Variants in RGS6 observed in about 807,000 individuals in gnomAD.
The protein encoded by RGS6 is regulator of G protein signaling 6, also known as regulator of G-protein signaling 6.
RGS6 carries 30 observed loss-of-function variants against 78.5 expected under a neutral mutation model. The ratio of observed to expected loss-of-function variants is 0.38; its 90% CI spans 0.29 to 0.52. The LOEUF (loss-of-function observed/expected upper bound fraction) is 0.52. RGS6 is among the 20% of genes least tolerant of loss of function. The pLI is 0.85. For missense variants in RGS6, 495 were observed against 609.7 expected, an observed-to-expected ratio of 0.81 and a Z score of 1.98; for synonymous variants, 206 against 206.0, an observed-to-expected ratio of 1.00 and a Z score of 0.00.
At chr14:72,629,732 G>A in the RGS6 span, 6 of 1,535,888 alleles carry the variant, frequency 3.9e-6, no homozygotes, top group Non-Finnish European at 5.2e-6. Flanking sequence ...GGCAGGTTGG[G>A]TGACCTGGAG....
intron 13 of RGS6, among the ~76,000 whole-genome samples, chr14:72,506,734 T>G (rs183299668): frequency 6.6e-6 from 1 of 152,280 alleles, no homozygotes; most frequent in East Asian, 1.9e-4. Flanking sequence ...ATTCATGTCT[T>G]TCCCAGAACC....
At chr14:71,938,031 T>C (rs557015511) in intron 1 of RGS6, among the ~76,000 whole-genome samples, 6 of 152,162 alleles carry the variant, frequency 3.9e-5, no homozygotes, top group Non-Finnish European at 8.8e-5. Context: ...CCATGGCCAC[T>C]TTGTTCATGG....
intron 2 of RGS6, among the ~76,000 whole-genome samples, chr14:72,144,854 A>T (rs1172683014): frequency 6.6e-6 from 1 of 152,072 alleles, no homozygotes; most frequent in East Asian, 1.9e-4. Context: ...AAGAAAGAGT[A>T]ATTCACACAG....
intron 3 of RGS6, among the ~76,000 whole-genome samples, chr14:72,392,837 G>A (rs1169311614): frequency 6.6e-6 from 1 of 152,162 alleles, no homozygotes; most frequent in Admixed American, 6.5e-5. Context: ...TGCACTTTCT[G>A]GGGATGCAGC....
chr14:72,075,535 T>C (rs142332475), intron 2 of RGS6, among the ~76,000 whole-genome samples: 19 of 152,324 alleles, frequency 1.2e-4, no homozygotes, highest in African/African-American at 4.6e-4. Flanking sequence ...AATGGGATAC[T>C]TTTTATTATA....
At chr14:72,629,677 A>G in the RGS6 span, 1 of 1,536,100 alleles carries the variant, frequency 6.5e-7, no homozygotes, top group Non-Finnish European at 8.7e-7. Flanking sequence ...ATGCACTGCC[A>G]CTTGTAGGTC....
At chr14:72,105,185 C>A (rs1341557135) in intron 2 of RGS6, among the ~76,000 whole-genome samples, 1 of 152,178 alleles carries the variant, frequency 6.6e-6, no homozygotes, top group South Asian at 2.1e-4. Context: ...CCTGGACATT[C>A]CAGATGCAAC....
At chr14:72,528,272 G>A (rs975837317) in intron 15 of RGS6, among the ~76,000 whole-genome samples, 3 of 152,216 alleles carry the variant, frequency 2.0e-5, no homozygotes, top group South Asian at 2.1e-4. Context: ...AGCTCTCACT[G>A]TGCCTCGGAC....
intron 2 of RGS6, among the ~76,000 whole-genome samples, chr14:72,012,106 TATAA>T (rs1339821702): frequency 1.3e-5 from 2 of 152,254 alleles, no homozygotes; most frequent in Non-Finnish European, 2.9e-5. Context: ...GTAGGCATTT[TATAA>T]ATAGTCTTTG....
the RGS6 span, among the ~76,000 whole-genome samples, chr14:72,615,985 C>T: frequency 6.6e-6 from 1 of 152,196 alleles, no homozygotes. Flanking sequence ...CTGGCTGTTC[C>T]CAGCATTTGA....
intron 3 of RGS6, among the ~76,000 whole-genome samples, chr14:72,403,977 A>T (rs930549799): frequency 1.3e-5 from 2 of 152,218 alleles, no homozygotes; most frequent in Non-Finnish European, 2.9e-5. Context: ...TCTTGATTTC[A>T]GGAAGCTATT....
At chr14:72,228,206 C>T (rs2048609174) in intron 2 of RGS6, among the ~76,000 whole-genome samples, 1 of 152,020 alleles carries the variant, frequency 6.6e-6, no homozygotes, top group Admixed American at 6.5e-5. Flanking sequence ...TGGTGAAACC[C>T]CGTATCCACT....
chr14:72,024,274 C>T (rs765178201), intron 2 of RGS6, among the ~76,000 whole-genome samples: 1 of 152,124 alleles, frequency 6.6e-6, no homozygotes, highest in Non-Finnish European at 1.5e-5. Flanking sequence ...CTGTGCACAC[C>T]GTCTAACAGT....
At chr14:72,200,109 A>G (rs1177934416) in intron 2 of RGS6, among the ~76,000 whole-genome samples, 1 of 152,204 alleles carries the variant, frequency 6.6e-6, no homozygotes, top group Non-Finnish European at 1.5e-5. Flanking sequence ...TATTGGGATA[A>G]TTAGGGAATT....
chr14:72,607,095 G>A, the RGS6 span, among the ~76,000 whole-genome samples: 1 of 152,112 alleles, frequency 6.6e-6, no homozygotes, highest in South Asian at 2.1e-4. Flanking sequence ...CTGACTCAGG[G>A]CAATGTCAGT....
intron 10 of RGS6, 114 bp downstream of exon 10, chr14:72,474,813 C>T: frequency 1.2e-6 from 1 of 857,244 alleles, no homozygotes. Context: ...TCATTTGAAA[C>T]CATAACCATT....
At chr14:72,306,497 C>T (rs2067272855) in intron 2 of RGS6, among the ~76,000 whole-genome samples, 1 of 152,166 alleles carries the variant, frequency 6.6e-6, no homozygotes, top group African/African-American at 2.4e-5. Context: ...TGAAACACTC[C>T]TGGAAAGGAT....
At chr14:72,431,206 G>T (rs187688830) in intron 3 of RGS6, among the ~76,000 whole-genome samples, 33 of 152,244 alleles carry the variant, frequency 2.2e-4, no homozygotes, top group African/African-American at 7.2e-4. Context: ...CTGTGTAGCA[G>T]CAGAACTCTT....
intron 3 of RGS6, among the ~76,000 whole-genome samples, chr14:72,398,219 C>A (rs1331159557): frequency 6.6e-6 from 1 of 152,166 alleles, no homozygotes; most frequent in Non-Finnish European, 1.5e-5. Context: ...ATTATTGCCT[C>A]AATTTGAGAG....
Sources: allele counts gnomAD v4.1 joint callset (sites outside exome capture counted in the v4.1 genomes callset), GRCh38; gene constraint gnomAD v4.1.1; transcripts MANE v1.5; gene names NCBI Gene and HGNC (gene_info 2026-07-23, HGNC 2026-07-21).